Variants in ZNF684 observed in about 807,000 individuals in gnomAD.
ZNF684 encodes the protein zinc finger protein 684.
A neutral mutation model predicts 12.8 loss-of-function variants in ZNF684; 13 were observed. The ratio of observed to expected loss-of-function variants is 1.02; its 90% CI spans 0.66 to 1.62. ZNF684 has a LOEUF of 1.62. Among genes scored for constraint, ZNF684 ranks in the 40% most tolerant of loss-of-function variants. The pLI is 0.00. For synonymous variants in ZNF684, 118 were observed against 151.8 expected, an observed-to-expected ratio of 0.78 and a Z score of 1.64; for missense variants, 384 against 446.9, an observed-to-expected ratio of 0.86 and a Z score of 1.27.
chr1:40,544,766 T>TTC, intron 4 of ZNF684: 1 of 152,922 alleles, frequency 6.5e-6, no homozygotes, highest in South Asian at 2.0e-4. Context: ...GCAGTGACTA[T>TTC]CTTAGAAATT....
At chr1:40,543,941 G>A (rs1455773185) in intron 4 of ZNF684, among the ~76,000 whole-genome samples, 1 of 150,212 alleles carries the variant, frequency 6.7e-6, no homozygotes, top group Non-Finnish European at 1.5e-5. Context: ...TACATATACT[G>A]TCTTGGATAT....
At chr1:40,542,548 T>G (rs965854512) in intron 4 of ZNF684, among the ~76,000 whole-genome samples, 2 of 152,192 alleles carry the variant, frequency 1.3e-5, no homozygotes, top group Non-Finnish European at 2.9e-5. Flanking sequence ...TCTTGACTTC[T>G]CTCTACAATA....
At chr1:40,541,554 T>A (rs547863197) in intron 3 of ZNF684, 61 bp from the exon 4 acceptor site, 3 of 1,371,004 alleles carry the variant, frequency 2.2e-6, no homozygotes, top group Non-Finnish European at 3.1e-6. Flanking sequence ...TAACCCAAGT[T>A]GTGAGCTGGT....
rs1646052450 is a variant in ZNF684, at chr1:40,546,971, G to A, written c.648G>A (p.Val216=). Residue 216 remains valine, a synonymous_variant, in exon 5 of 5, where the codon GTG becomes GTA. Transcript: ENST00000372699. ...TTCATAATGGAGAGAGACCCTTTGT[G>A]TGCAATGATTGTGGGAAGGCGTTTA... ...QKIHNGERPF[V]CNDCGKAFMH... 3 of 1,614,128 alleles carry A rather than the reference G, an allele frequency of 1.9e-6. No homozygotes were observed. In the East Asian group the frequency reaches 6.7e-5, roughly 36 times the overall value.
chr1:40,546,005 C>T lies in ZNF684; in HGVS notation c.239-557C>T, dbSNP rs527988051. ...TGGCGTGATCTCGGCTCACCACAAC[C>T]TCCACCTCCCAGGTTCAAGCAATTC... On this transcript the variant is annotated intron_variant, in intron 4 of 4. Coordinates refer to ENST00000372699, the MANE Select transcript of ZNF684 (RefSeq NM_152373.4). Among the ~76,000 whole-genome samples, 5 of 149,366 alleles carry T rather than the reference C, an allele frequency of 3.3e-5. No homozygotes were observed. In the South Asian group the frequency reaches 1.1e-3, roughly 32 times the overall value.
rs1646051895 is a variant in ZNF684, at chr1:40,546,902, A to G, written c.579A>G (p.Gly193=). The change falls in exon 5 of 5, where the codon GGA becomes GGG. Residue 193 remains glycine (G), a synonymous_variant. Coordinates refer to ENST00000372699, the MANE Select transcript of ZNF684 (RefSeq NM_152373.4). ...AACCTTTTGAATGCAATGACTGTGG[A>G]AAAGCCTATAGCAGGAAGGCACACC... ...RKKPFECNDC[G]KAYSRKAHLA... The G allele has an allele frequency of 6.2e-7, 1 of 1,614,156 alleles. No individual in the cohort carries two copies. Among genetic ancestry groups the G allele is most frequent in the Non-Finnish European group, 8.5e-7 (1 of 1,180,030 alleles).
chr1:40,540,514 G>A, intron 2 of ZNF684, 72 bp from the exon 3 acceptor site: 2 of 1,447,386 alleles, frequency 1.4e-6, no homozygotes, highest in Non-Finnish European at 1.9e-6. Context: ...TGATATTAAG[G>A]AGCTGCCTTG....
Position 40,541,667 on chromosome 1 carries a change from G to A in ZNF684, c.195G>A (p.Glu65=). ...TCCTCAAGGTAGAGCAAGGACAAGA[G>A]CCATGGATGGTGGAGGGAGCGAATC... ...KVILKVEQGQ[E]PWMVEGANPH... Residue 65 remains glutamate, a synonymous_variant, in exon 4 of 5, where the codon GAG becomes GAA. Coordinates refer to ENST00000372699, the MANE Select transcript of ZNF684 (RefSeq NM_152373.4). The A allele has an allele frequency of 6.2e-7, 1 of 1,613,662 alleles. No individual in the cohort carries two copies. Among genetic ancestry groups the A allele is most frequent in the Non-Finnish European group, 8.5e-7 (1 of 1,179,728 alleles).
In ZNF684 at chr1:40,547,253, C is replaced by A; in HGVS notation, c.930C>A (p.Asn310Lys). ...QCIICGKAFGNTSVLVTHQRI... is the reference protein window; with the variant it reads ...QCIICGKAFGKTSVLVTHQRI... ...TCATATGTGGCAAAGCTTTTGGCAA[C>A]ACATCCGTGCTTGTTACACACCAAA... Residue 310 changes from asparagine to lysine, a missense_variant, in exon 5 of 5, where the codon AAC (asparagine) becomes AAA (lysine). Asn to Lys is a moderately conservative substitution (Grantham distance 94). Coordinates refer to ENST00000372699, the MANE Select transcript of ZNF684 (RefSeq NM_152373.4). 1 of 1,614,128 alleles carries A rather than the reference C, an allele frequency of 6.2e-7. No individual in the cohort carries two copies. Among genetic ancestry groups the A allele is most frequent in the Non-Finnish European group, 8.5e-7 (1 of 1,180,022 alleles).
Position 40,547,341 on chromosome 1 carries a change from T to G in ZNF684, c.1018T>G (p.Ser340Ala). ...ATGTGGCAAAGCCTTCATCAAGAAG[T>G]CCCATCTCCTCAGACATCAGATAAC... ...IECGKAFIKK[S>A]HLLRHQITHT... Residue 340 changes from serine to alanine, a missense_variant, in exon 5 of 5, where the codon TCC (serine) becomes GCC (alanine). Coordinates refer to ENST00000372699, the MANE Select transcript of ZNF684 (RefSeq NM_152373.4). 6.2e-7 allele frequency: 1 copy of G among 1,613,916 alleles called. No homozygotes were observed. The highest frequency in any genetic ancestry group is 8.5e-7 in the Non-Finnish European group (1 of 1,179,924).
intron 2 of ZNF684, among the ~76,000 whole-genome samples, chr1:40,539,662 A>G (rs1646004192): frequency 6.6e-6 from 1 of 152,114 alleles, no homozygotes; most frequent in Non-Finnish European, 1.5e-5. Context: ...TAGAAGTGAA[A>G]TGCTGTCTCA....
intron 4 of ZNF684, among the ~76,000 whole-genome samples, chr1:40,542,369 T>C (rs1646020811): frequency 2.0e-5 from 3 of 152,238 alleles, no homozygotes; most frequent in South Asian, 2.1e-4. Context: ...ATCTTGCATC[T>C]TTCTTCTCCC....
chr1:40,540,548 A>T, intron 2 of ZNF684, 38 bp from the exon 3 acceptor site: 2 of 1,540,904 alleles, frequency 1.3e-6, no homozygotes, highest in Non-Finnish European at 1.8e-6. Flanking sequence ...TTCGCTAGTG[A>T]TACACACTTT....
At chr1:40,545,675 G>T (rs1646042613) in intron 4 of ZNF684, among the ~76,000 whole-genome samples, 1 of 152,116 alleles carries the variant, frequency 6.6e-6, no homozygotes, top group Non-Finnish European at 1.5e-5. Flanking sequence ...ACATGCTTCA[G>T]CTGTGGTTTG....
intron 4 of ZNF684, among the ~76,000 whole-genome samples, chr1:40,543,315 A>G (rs1421693317): frequency 6.6e-6 from 1 of 152,256 alleles, no homozygotes; most frequent in African/African-American, 2.4e-5. Flanking sequence ...AATGTAAATT[A>G]TCCCCTTTAT....
chr1:40,541,051 A>G (rs1372874513), intron 3 of ZNF684, among the ~76,000 whole-genome samples: 1 of 149,158 alleles, frequency 6.7e-6, no homozygotes, highest in Non-Finnish European at 1.5e-5. Context: ...AAAAAAAAAA[A>G]TCGTATGAAA....
In ZNF684 at chr1:40,547,479, GAGA is replaced by G. The variant is rs1230360512; in HGVS notation, c.*22_*24del. The G allele has an allele frequency of 1.9e-5, 30 of 1,550,780 alleles. No individual in the cohort carries two copies. Among genetic ancestry groups the G allele is most frequent in the Non-Finnish European group, 2.5e-5 (29 of 1,147,784 alleles). On this transcript the variant is annotated 3_prime_UTR_variant, in exon 5 of 5. Transcript: ENST00000372699. ...TACATAATATTCACTTTATGAATATGAGAAGGCCTTATTAAATATTTGCTAAAT... is the reference window on the plus strand; with the variant it reads ...TACATAATATTCACTTTATGAATATGAGGCCTTATTAAATATTTGCTAAAT...
chr1:40,539,329 T>C (rs6667105), intron 2 of ZNF684, among the ~76,000 whole-genome samples: 71,997 of 151,846 alleles, frequency 0.47, 18,454 homozygotes, highest in African/African-American at 0.65. Context: ...GCACCTGGCC[T>C]CCAAAAAATA....
intron 3 of ZNF684, 142 bp from the exon 4 acceptor site, chr1:40,541,473 G>A (rs1646015963): frequency 3.4e-6 from 2 of 596,618 alleles, no homozygotes; most frequent in East Asian, 3.3e-5. Flanking sequence ...GTGAGCCACC[G>A]CGCCCAGCCT....
Sources: allele counts gnomAD v4.1 joint callset (sites outside exome capture counted in the v4.1 genomes callset), GRCh38; gene constraint gnomAD v4.1.1; transcripts MANE v1.5; gene names NCBI Gene and HGNC (gene_info 2026-07-23, HGNC 2026-07-21).